Variants in SLC18A1 observed in about 807,000 individuals in gnomAD.
The protein encoded by SLC18A1 is solute carrier family 18 member A1.
Under a neutral mutation model 53.7 loss-of-function variants are expected in SLC18A1, and 69 were observed. The ratio of observed to expected loss-of-function variants is 1.28; its 90% CI spans 1.06 to 1.57. The LOEUF (loss-of-function observed/expected upper bound fraction) is 1.57. Among genes scored for constraint, SLC18A1 ranks in the 40% most tolerant of loss-of-function variants. The probability of loss-of-function intolerance (pLI) is 0.00; values close to 1 mark genes in which losing one functional copy is unlikely to be tolerated. For missense variants in SLC18A1, 932 were observed against 668.1 expected (o/e 1.40, Z -4.35); for synonymous variants, 320 against 248.1 (o/e 1.29, Z -2.72).
rs17215745 is a variant in SLC18A1 at position 20,171,184 on chromosome 8, A to G, written c.815-38T>C. Reference sequence around the variant, plus strand: ...GAAGGTGAGACAGTTCAGCGTGTCTACTGATTAGCTGGGGGCTCCAATAAC... The same window carrying G: ...GAAGGTGAGACAGTTCAGCGTGTCTGCTGATTAGCTGGGGGCTCCAATAAC... On this transcript the variant is annotated intron_variant, in intron 7 of 15. Transcript: ENST00000276373. The G allele has an allele frequency of 4.1e-3, 6,654 of 1,610,352 alleles. 21 individuals carry two copies. The highest frequency in any genetic ancestry group is 5.1e-3 in the Non-Finnish European group (5,982 of 1,176,650).
chr8:20,149,611 TC>T (rs2071496211), intron 12 of SLC18A1, 64 bp downstream of exon 12: 9 of 1,288,326 alleles, frequency 7.0e-6, no homozygotes, highest in Admixed American at 1.8e-5. Flanking sequence ...TCTCTCTCTC[TC>T]TCTCTGTCTG....
At chr8:20,167,687 C>T (rs539608898) in intron 8 of SLC18A1, among the ~76,000 whole-genome samples, 2 of 152,042 alleles carry the variant, frequency 1.3e-5, no homozygotes, top group Non-Finnish European at 2.9e-5. Flanking sequence ...GTGGCATGAT[C>T]TTGGCTCACT....
intron 10 of SLC18A1, among the ~76,000 whole-genome samples, chr8:20,153,057 G>A (rs2071598337): frequency 6.6e-6 from 1 of 152,128 alleles, no homozygotes. Flanking sequence ...TGAAGGGACG[G>A]GAGTGCATAT....
chr8:20,179,801 T>C (rs2128880744), intron 2 of SLC18A1, among the ~76,000 whole-genome samples: 1 of 152,334 alleles, frequency 6.6e-6, no homozygotes, highest in South Asian at 2.1e-4. Flanking sequence ...GGTTTCCACA[T>C]TGGCTAACTC....
chr8:20,157,426 A>G (rs1315639769), intron 10 of SLC18A1, among the ~76,000 whole-genome samples: 1 of 152,066 alleles, frequency 6.6e-6, no homozygotes, highest in Non-Finnish European at 1.5e-5. Context: ...GTAGACTCTC[A>G]TTATGATGCA....
chr8:20,153,854 C>T (rs984121334), intron 10 of SLC18A1, among the ~76,000 whole-genome samples: 1 of 152,168 alleles, frequency 6.6e-6, no homozygotes, highest in African/African-American at 2.4e-5. Flanking sequence ...ATAATTAATA[C>T]TGACATCAAG....
intron 13 of SLC18A1, 22 bp from the exon 14 acceptor site, chr8:20,147,744 C>T (rs1265154690): frequency 2.5e-6 from 4 of 1,608,942 alleles, no homozygotes; most frequent in African/African-American, 1.3e-5. Context: ...GCAAACAGGA[C>T]ACAGTCAGCC....
At chr8:20,158,540 C>T (rs2071738264) in intron 10 of SLC18A1, among the ~76,000 whole-genome samples, 1 of 152,186 alleles carries the variant, frequency 6.6e-6, no homozygotes, top group Non-Finnish European at 1.5e-5. Context: ...AGGATTCCAC[C>T]TCCTTTCCCT....
intron 4 of SLC18A1, among the ~76,000 whole-genome samples, chr8:20,177,888 A>G (rs6586897): frequency 0.49 from 75,028 of 151,994 alleles, 19,218 homozygotes; most frequent in Non-Finnish European, 0.57. Flanking sequence ...CTGATCCTGG[A>G]TAGAGTATTT....
intron 5 of SLC18A1, 40 bp downstream of exon 5, chr8:20,174,321 T>A: frequency 7.4e-7 from 1 of 1,347,306 alleles, no homozygotes; most frequent in Non-Finnish European, 1.1e-6. Flanking sequence ...TGTGTGTGCA[T>A]GCCTGCATGT....
chr8:20,145,625 C>T lies in SLC18A1; in HGVS notation c.*138G>A, dbSNP rs951763507. On this transcript the variant is annotated 3_prime_UTR_variant, in exon 16 of 16. Transcript: ENST00000276373. ...GTGAGAAGAGTATCAGGGACAGTGT[C>T]CATGGGAGGGGAGGAAAGAAGATTC... 1.8e-6 allele frequency: 1 copy of T among 547,098 alleles called. No individual in the cohort carries two copies. The highest frequency in any genetic ancestry group is 3.4e-5 in the Admixed American group (1 of 29,236). 33.9% of individuals were successfully genotyped at this position (547,098 alleles called of 1,614,324 possible).
chr8:20,159,317 C>T (rs2071759556), intron 10 of SLC18A1, among the ~76,000 whole-genome samples: 1 of 152,134 alleles, frequency 6.6e-6, no homozygotes, highest in East Asian at 1.9e-4. Flanking sequence ...ACAGACAGGA[C>T]TAGCTGGATT....
intron 5 of SLC18A1, among the ~76,000 whole-genome samples, chr8:20,173,517 G>C (rs1187548242): frequency 1.3e-5 from 2 of 152,288 alleles, no homozygotes; most frequent in East Asian, 3.9e-4. Flanking sequence ...GGGTGCCCAG[G>C]GAAGAGCAGG....
intron 10 of SLC18A1, among the ~76,000 whole-genome samples, chr8:20,153,072 C>A (rs1359550433): frequency 1.3e-5 from 2 of 151,802 alleles, no homozygotes; most frequent in Non-Finnish European, 2.9e-5. Context: ...GCATATGGGG[C>A]TAAAATGAAG....
At chr8:20,155,762 T>G (rs2071668096) in intron 10 of SLC18A1, among the ~76,000 whole-genome samples, 1 of 152,160 alleles carries the variant, frequency 6.6e-6, no homozygotes, top group Non-Finnish European at 1.5e-5. Flanking sequence ...GCAAGTTGTA[T>G]CTCCAAAGGG....
chr8:20,180,084 G>A (rs977457307), intron 2 of SLC18A1, among the ~76,000 whole-genome samples: 3 of 147,772 alleles, frequency 2.0e-5, no homozygotes, highest in Admixed American at 6.8e-5. Context: ...GATGTACCAC[G>A]ATGTTTAAGA....
rs530228192 is a variant in SLC18A1 at position 20,170,831 on chromosome 8, G to A, written c.858+272C>T. On this transcript the variant is annotated intron_variant, in intron 8 of 15. Coordinates refer to ENST00000276373, the MANE Select transcript of SLC18A1 (RefSeq NM_003053.4). ...TATATACATACCCCATATATGTGTC[G>A]AATATATAGATAGATAGATAGATAG... Among the ~76,000 whole-genome samples, 61 of 99,056 alleles carry A rather than the reference G, an allele frequency of 6.2e-4. No homozygotes were observed. In the East Asian group the frequency reaches 9.4e-3, roughly 15 times the overall value. 65.0% of individuals were successfully genotyped at this position (99,056 alleles called of 152,430 possible).
Position 20,171,427 on chromosome 8 carries a change from G to T in SLC18A1, c.792C>A (p.Ala264=). The T allele has an allele frequency of 6.2e-7, 1 of 1,614,086 alleles. No individual in the cohort carries two copies. The highest frequency in any genetic ancestry group is 8.5e-7 in the Non-Finnish European group (1 of 1,179,952). ...VGKSAPFLIL[A]FLALLDGALQ... ...TACCTCCATCCAGTAGTGCCAGGAA[G>T]GCCAGGATGAGGAAGGGTGCAGACT... Residue 264 remains alanine (A), a synonymous_variant, in exon 7 of 16, where the codon GCC becomes GCA. Coordinates refer to ENST00000276373, the MANE Select transcript of SLC18A1 (RefSeq NM_003053.4).
intron 4 of SLC18A1, among the ~76,000 whole-genome samples, chr8:20,177,157 T>C (rs2072272731): frequency 6.6e-6 from 1 of 152,248 alleles, no homozygotes; most frequent in Non-Finnish European, 1.5e-5. Context: ...AGAAGTTCCA[T>C]GAACAGTGCT....
Sources: allele counts gnomAD v4.1 joint callset (sites outside exome capture counted in the v4.1 genomes callset), GRCh38; gene constraint gnomAD v4.1.1; transcripts MANE v1.5; gene names NCBI Gene and HGNC (gene_info 2026-07-23, HGNC 2026-07-21).